SHANK2: variants seen among roughly 807,000 people sequenced by gnomAD.
SHANK2 encodes SH3 and multiple ankyrin repeat domains 2.
In SHANK2, 43 loss-of-function variants were observed where a neutral mutation model predicts 133.7. That is an observed-to-expected ratio of 0.32 (90% CI 0.25 to 0.41). SHANK2 has a LOEUF of 0.41. Among genes scored for constraint, SHANK2 ranks in the 10% least tolerant of loss-of-function variants. The pLI, the probability that SHANK2 is intolerant of heterozygous loss-of-function variation, is 1.00. For synonymous variants in SHANK2, 1,017 were observed against 952.8 expected (o/e 1.07, Z -1.24); for missense variants, 1,994 against 2,235.8 (o/e 0.89, Z 2.18).
intron 17 of SHANK2, among the ~76,000 whole-genome samples, chr11:70,572,070 C>A (rs1296042163): frequency 6.6e-6 from 1 of 152,230 alleles, no homozygotes; most frequent in Admixed American, 6.5e-5. Flanking sequence ...GAGAAGGCGG[C>A]CATCTCCACA....
chr11:70,569,890 C>T lies in SHANK2; in HGVS notation c.2062-66959G>A, dbSNP rs183083545. On this transcript the variant is annotated intron_variant, in intron 17 of 25. Coordinates refer to ENST00000601538, the MANE Select transcript of SHANK2 (RefSeq NM_012309.5). The surrounding 1 kb of genome is among the most constrained non-coding windows in gnomAD (Gnocchi z 5.1). Reference sequence around the variant, plus strand: ...GGTCAGTACGAGGAGACGGGGACGACGGTACAGAGCAAGACAGAGACACTC... The same window carrying T: ...GGTCAGTACGAGGAGACGGGGACGATGGTACAGAGCAAGACAGAGACACTC... Among the ~76,000 whole-genome samples, 22 of 151,886 alleles carry T rather than the reference C, an allele frequency of 1.4e-4. No homozygotes were observed. The highest frequency in any genetic ancestry group is 1.4e-3 in the Admixed American group (22 of 15,258).
At chr11:70,616,919 C>T (rs1554996122) in intron 17 of SHANK2, among the ~76,000 whole-genome samples, 1 of 152,088 alleles carries the variant, frequency 6.6e-6, no homozygotes, top group African/African-American at 2.4e-5. Context: ...GGGGCAGAGC[C>T]GTGTGTGCTC....
intron 10 of SHANK2, among the ~76,000 whole-genome samples, chr11:70,898,045 C>G (rs1161446869): frequency 6.7e-6 from 1 of 149,850 alleles, no homozygotes; most frequent in Non-Finnish European, 1.5e-5. Flanking sequence ...TCACTGCAAT[C>G]TCTGCCTCCC....
intron 2 of SHANK2, among the ~76,000 whole-genome samples, chr11:71,220,296 G>A (rs1555120840): frequency 6.6e-6 from 1 of 152,154 alleles, no homozygotes. Flanking sequence ...GCAAGGATGT[G>A]GGAAATTGGA....
intron 8 of SHANK2, among the ~76,000 whole-genome samples, chr11:71,084,740 A>G (rs1412641850): frequency 6.6e-6 from 1 of 152,210 alleles, no homozygotes; most frequent in Non-Finnish European, 1.5e-5. Flanking sequence ...CCCTACAGGC[A>G]GCATAGAGAA....
At chr11:70,557,734 C>T (rs2059851900) in intron 17 of SHANK2, among the ~76,000 whole-genome samples, 1 of 152,110 alleles carries the variant, frequency 6.6e-6, no homozygotes, top group East Asian at 1.9e-4. Flanking sequence ...GTGCAAAGGC[C>T]CAAGTGGTTC....
In SHANK2 at chr11:70,490,107, A is replaced by C. The variant is rs975098101; in HGVS notation, c.2551+169T>G. On this transcript the variant is annotated intron_variant, in intron 23 of 25. Transcript: ENST00000601538. ...CACTCAGATGTTCCAATGGCTCCCT[A>C]GTGGGCAAGGCCAGGTTCCCACCCT... 2.6e-5 allele frequency: 16 copies of C among 626,266 alleles called. No homozygotes were observed. The East Asian group carries it at 4.5e-4, about 17-fold the overall frequency. The allele number at this position is 626,266 out of a possible 1,614,324, so 38.8% of individuals were successfully genotyped here. A position where few individuals can be genotyped will look rare whatever the true frequency, so the allele number is the denominator to read the frequency against.
intron 11 of SHANK2, chr11:70,826,843 G>A (rs1361739799): frequency 5.8e-5 from 13 of 222,754 alleles, no homozygotes; most frequent in South Asian, 2.1e-4. Context: ...GAGGGTTAAC[G>A]CGGATCAGGC....
intron 1 of SHANK2, among the ~76,000 whole-genome samples, chr11:71,248,043 C>G (rs905613824): frequency 6.6e-6 from 1 of 152,216 alleles, no homozygotes; most frequent in Non-Finnish European, 1.5e-5. Context: ...GGCCCATCCC[C>G]GGCATATGTG....
At chr11:70,611,437 C>T (rs901105987) in intron 17 of SHANK2, among the ~76,000 whole-genome samples, 8 of 152,206 alleles carry the variant, frequency 5.3e-5, no homozygotes, top group African/African-American at 1.9e-4. Context: ...ACCTGCCCTG[C>T]TTCCCCATCT....
chr11:70,948,950 G>A (rs770255623), intron 10 of SHANK2, among the ~76,000 whole-genome samples: 1 of 152,068 alleles, frequency 6.6e-6, no homozygotes, highest in African/African-American at 2.4e-5. Flanking sequence ...ACCTCCAGAC[G>A]GCCGACGGTG....
chr11:70,682,769 T>C (rs1201914473), intron 15 of SHANK2, among the ~76,000 whole-genome samples: 1 of 151,990 alleles, frequency 6.6e-6, no homozygotes, highest in Non-Finnish European at 1.5e-5. Context: ...GTTCCTTTGT[T>C]GAACTCACTC....
At position 70,823,754 on chromosome 11, in the gene SHANK2, C is replaced by T. The variant is rs563257786; in HGVS notation, c.1175-3072G>A. Among the ~76,000 whole-genome samples the T allele has an allele frequency of 8.2e-4, 65 of 78,790 alleles. 2 individuals carry two copies. In the South Asian group the frequency reaches 0.032, roughly 39 times the overall value. The allele number at this position is 78,790 out of a possible 152,430, so 51.7% of individuals were successfully genotyped here. A position where few individuals can be genotyped will look rare whatever the true frequency, so the allele number is the denominator to read the frequency against. Reference sequence around the variant, plus strand: ...TGAGGGACAGAGGTGGCGTTGGCAGCGTTCATGGGGGACAGAGGTGGCGTT... The same window carrying T: ...TGAGGGACAGAGGTGGCGTTGGCAGTGTTCATGGGGGACAGAGGTGGCGTT... On this transcript the variant is annotated intron_variant, in intron 11 of 25. Coordinates refer to ENST00000601538, the MANE Select transcript of SHANK2 (RefSeq NM_012309.5).
At chr11:70,603,221 G>A (rs2060524520) in intron 17 of SHANK2, 1 of 152,360 alleles carries the variant, frequency 6.6e-6, no homozygotes, top group South Asian at 2.1e-4. Flanking sequence ...CGCCAACCAT[G>A]GGCCATGTAC....
chr11:71,180,211 T>C (rs548969367), intron 2 of SHANK2, among the ~76,000 whole-genome samples: 41 of 152,332 alleles, frequency 2.7e-4, no homozygotes, highest in South Asian at 1.7e-3. Context: ...GTACTCACAA[T>C]TACATCTAAC....
At position 70,734,639 on chromosome 11, in the gene SHANK2, C is replaced by G. The variant is rs376042425; in HGVS notation, c.1778-35876G>C. ...GGCCCCCCGACCAATACCAACTCTC[C>G]TCCCAGCCAGAGGCTGCCCTGGCCC... On this transcript the variant is annotated intron_variant, in intron 14 of 25. Transcript: ENST00000601538. 7.9e-5 allele frequency among the ~76,000 whole-genome samples: 12 copies of G among 152,356 alleles called. No individual in the cohort carries two copies. In the East Asian group the frequency reaches 2.3e-3, roughly 29 times the overall value.
At chr11:71,100,416 A>G (rs143302569) in intron 6 of SHANK2, among the ~76,000 whole-genome samples, 337 of 152,360 alleles carry the variant, frequency 2.2e-3, no homozygotes, top group Non-Finnish European at 2.6e-3. Flanking sequence ...CATGCAGACA[A>G]CAAGATGTTG....
At chr11:71,118,720 T>C in intron 4 of SHANK2, 109 bp downstream of exon 4, 1 of 956,014 alleles carries the variant, frequency 1.0e-6, no homozygotes, top group Non-Finnish European at 1.5e-6. Flanking sequence ...GGGGATAATT[T>C]CCCAATGCAA....
intron 2 of SHANK2, among the ~76,000 whole-genome samples, chr11:71,207,540 T>C (rs529583340): frequency 6.6e-5 from 10 of 152,344 alleles, no homozygotes; most frequent in Non-Finnish European, 1.2e-4. Context: ...TAGGTTTGTT[T>C]GCTTGTTGTG....
Sources: allele counts gnomAD v4.1 joint callset (sites outside exome capture counted in the v4.1 genomes callset), GRCh38; gene constraint gnomAD v4.1.1; non-coding constraint Gnocchi (gnomAD v3.1); transcripts MANE v1.5; gene names NCBI Gene and HGNC (gene_info 2026-07-23, HGNC 2026-07-21).